Variants in MYO16 observed in about 807,000 individuals in gnomAD.
The protein encoded by MYO16 is unconventional myosin-XVI.
In MYO16, 94 loss-of-function variants were observed where a neutral mutation model predicts 205.3. That is an observed-to-expected ratio of 0.46 (90% CI 0.39 to 0.54). The LOEUF (loss-of-function observed/expected upper bound fraction) is 0.54, where lower values mean the gene tolerates loss of function less well. Among genes scored for constraint, MYO16 ranks in the 20% least tolerant of loss-of-function variants. MYO16 has a pLI of 0.00. For missense variants in MYO16, 2,315 were observed against 2,387.5 expected, an observed-to-expected ratio of 0.97 and a Z score of 0.63; for synonymous variants, 988 against 954.0, an observed-to-expected ratio of 1.04 and a Z score of -0.66.
intron 7 of MYO16, among the ~76,000 whole-genome samples, chr13:108,815,457 G>A (rs901821761): frequency 6.6e-6 from 1 of 152,114 alleles, no homozygotes; most frequent in Non-Finnish European, 1.5e-5. Flanking sequence ...GTGGAAAAAT[G>A]GTCAGAGACA....
the MYO16 span, among the ~76,000 whole-genome samples, chr13:108,554,160 C>A: frequency 2.6e-5 from 4 of 151,856 alleles, no homozygotes; most frequent in Non-Finnish European, 5.9e-5. Flanking sequence ...AACTTGACGA[C>A]AAATTACAGA....
At chr13:108,522,217 T>C in the MYO16 span, among the ~76,000 whole-genome samples, 1 of 152,202 alleles carries the variant, frequency 6.6e-6, no homozygotes, top group Non-Finnish European at 1.5e-5. Context: ...CCCAAATTCT[T>C]CCCTGTTCAG....
At chr13:108,904,304 G>A (rs148207463) in intron 15 of MYO16, among the ~76,000 whole-genome samples, 2 of 152,214 alleles carry the variant, frequency 1.3e-5, no homozygotes, top group Non-Finnish European at 2.9e-5. Context: ...CTCTCCCTCA[G>A]GATTGAGTGA....
At chr13:108,757,858 A>G (rs1430369465) in intron 4 of MYO16, among the ~76,000 whole-genome samples, 1 of 152,230 alleles carries the variant, frequency 6.6e-6, no homozygotes, top group African/African-American at 2.4e-5. Context: ...ATATGAGGGC[A>G]ATGCTACAAA....
intron 33 of MYO16, among the ~76,000 whole-genome samples, chr13:109,168,901 A>G (rs1050109238): frequency 2.7e-4 from 41 of 152,072 alleles, no homozygotes; most frequent in African/African-American, 9.9e-4. Flanking sequence ...CAGTGTCGGT[A>G]TGGTCAATAT....
chr13:108,631,358 CA>C (rs1216189705), intron 1 of MYO16, among the ~76,000 whole-genome samples: 1 of 152,132 alleles, frequency 6.6e-6, no homozygotes, highest in African/African-American at 2.4e-5. Context: ...AGTTGGTCAC[CA>C]AACACAATAT....
At chr13:108,680,268 A>T (rs1237037950) in intron 2 of MYO16, among the ~76,000 whole-genome samples, 1 of 152,210 alleles carries the variant, frequency 6.6e-6, no homozygotes, top group African/African-American at 2.4e-5. Context: ...AGTTTCTCAC[A>T]TATTACAGAT....
At chr13:109,019,119 T>A (rs975918749) in intron 22 of MYO16, among the ~76,000 whole-genome samples, 2 of 151,832 alleles carry the variant, frequency 1.3e-5, no homozygotes, top group Non-Finnish European at 2.9e-5. Flanking sequence ...CAGGCACACA[T>A]CACCATGCCC....
chr13:108,603,572 T>G (rs965345391), intron 1 of MYO16, among the ~76,000 whole-genome samples: 1 of 152,184 alleles, frequency 6.6e-6, no homozygotes, highest in African/African-American at 2.4e-5. Context: ...CTTTTTTTTC[T>G]TTCAATTCAT....
At chr13:109,119,419 A>G (rs1875878681) in intron 28 of MYO16, among the ~76,000 whole-genome samples, 1 of 152,178 alleles carries the variant, frequency 6.6e-6, no homozygotes. Context: ...ACAGAATATC[A>G]TCTCAGAGCT....
chr13:108,942,415 C>T (rs915640629), intron 16 of MYO16, among the ~76,000 whole-genome samples: 8 of 152,204 alleles, frequency 5.3e-5, no homozygotes, highest in African/African-American at 1.9e-4. Context: ...GAATTGTTAA[C>T]GTTTTACTCC....
intron 4 of MYO16, among the ~76,000 whole-genome samples, chr13:108,765,873 T>C (rs976715034): frequency 2.6e-5 from 4 of 152,186 alleles, no homozygotes; most frequent in African/African-American, 7.2e-5. Context: ...AGTACTGACC[T>C]CCGGCAGTTT....
upstream of MYO16, among the ~76,000 whole-genome samples, chr13:108,627,369 T>G (rs184749798): frequency 4.0e-4 from 61 of 152,306 alleles, no homozygotes; most frequent in African/African-American, 1.4e-3. Context: ...CATTTCTCAG[T>G]GTATCCTCCT....
the MYO16 span, among the ~76,000 whole-genome samples, chr13:108,574,708 T>TGTGTGTGTGTGC: frequency 8.6e-5 from 7 of 81,722 alleles, no homozygotes; most frequent in East Asian, 3.0e-4. Context: ...TGTGTGTGTG[T>TGTGTGTGTGTGC]GCGCTTGTGT....
At chr13:108,746,430 C>A (rs546302616) in intron 4 of MYO16, among the ~76,000 whole-genome samples, 4 of 151,878 alleles carry the variant, frequency 2.6e-5, no homozygotes, top group African/African-American at 9.6e-5. Flanking sequence ...TATACACTTT[C>A]ATAGAAGAAA....
chr13:108,521,335 T>A, the MYO16 span, among the ~76,000 whole-genome samples: 1 of 152,236 alleles, frequency 6.6e-6, no homozygotes, highest in African/African-American at 2.4e-5. Flanking sequence ...TTAAGTGATA[T>A]AAGTAATCAA....
chr13:109,055,016 C>A lies in MYO16; in HGVS notation c.3049-30C>A. The A allele has an allele frequency of 7.3e-7, 1 of 1,367,220 alleles. No individual in the cohort carries two copies. The highest frequency in any genetic ancestry group is 1.0e-6 in the Non-Finnish European group (1 of 993,292). The allele number at this position is 1,367,220 out of a possible 1,614,324, so 84.7% of individuals were successfully genotyped here. On this transcript the variant is annotated intron_variant, in intron 25 of 34. Coordinates refer to ENST00000457511, the MANE Select transcript of MYO16 (RefSeq NM_001198950.3). This position sits in a 1 kb window ranked among gnomAD's most constrained non-coding sequence, Gnocchi z 5.0. ...TTCCTTTCCTTTCCTTTCTTTTCTC[C>A]TGTCCTTCTTGTCTTTCTTTTTATT...
chr13:109,147,252 C>T (rs1877385198), intron 32 of MYO16, among the ~76,000 whole-genome samples: 1 of 152,086 alleles, frequency 6.6e-6, no homozygotes, highest in South Asian at 2.1e-4. Context: ...CACGCAATTG[C>T]ATCCTAAGTC....
chr13:108,870,605 G>T (rs1191593354), intron 12 of MYO16, among the ~76,000 whole-genome samples: 1 of 130,580 alleles, frequency 7.7e-6, no homozygotes, highest in African/African-American at 2.9e-5. Context: ...AGTTTTTAAT[G>T]ATTGCATTTT....
Sources: allele counts gnomAD v4.1 joint callset (sites outside exome capture counted in the v4.1 genomes callset), GRCh38; gene constraint gnomAD v4.1.1; non-coding constraint Gnocchi (gnomAD v3.1); transcripts MANE v1.5; gene names NCBI Gene and HGNC (gene_info 2026-07-23, HGNC 2026-07-21).